The following CES5A variants were observed in gnomAD, a reference collection of about 807,000 sequenced individuals.
CES5A encodes the protein carboxylesterase 5A.
In CES5A, 67 loss-of-function variants were observed where a neutral mutation model predicts 62.9. The ratio of observed to expected loss-of-function variants is 1.07; its 90% CI spans 0.88 to 1.31. The LOEUF (loss-of-function observed/expected upper bound fraction) is 1.31, where lower values mean the gene tolerates loss of function less well. CES5A is among the 50% of genes most tolerant of loss of function. The pLI, the probability that CES5A is intolerant of heterozygous loss-of-function variation, is 0.00. For missense variants in CES5A, 748 were observed against 708.5 expected (o/e 1.06, Z -0.63); for synonymous variants, 296 against 280.8 (o/e 1.05, Z -0.54).
At chr16:55,949,637 A>G (rs908733490) in intron 2 of CES5A, 1 of 396,060 alleles carries the variant, frequency 2.5e-6, no homozygotes, top group Non-Finnish European at 4.5e-6. Context: ...GAGGTGAGGC[A>G]GGATAAGAAC....
Position 55,874,086 on chromosome 16 carries a change from G to T in CES5A, c.74-49C>A, listed in dbSNP as rs117873330. On this transcript the variant is annotated intron_variant, in intron 1 of 12. Transcript: ENST00000290567. ...CAGGAGCAGGCTGGGGACAGGCAGG[G>T]CAATGGCCCACCCAGTCTGGAGCTC... 6,342 of 1,512,822 alleles carry T rather than the reference G, an allele frequency of 4.2e-3. 174 individuals carry two copies. The Admixed American group carries it at 0.068, about 16-fold the overall frequency. The allele number at this position is 1,512,822 out of a possible 1,614,324, so 93.7% of individuals were successfully genotyped here.
intron 2 of CES5A, among the ~76,000 whole-genome samples, chr16:55,947,475 A>G (rs1254883127): frequency 6.6e-6 from 1 of 152,158 alleles, no homozygotes; most frequent in Non-Finnish European, 1.5e-5. Context: ...ACTGTTCTGG[A>G]TGTTAGGAAT....
Position 55,866,094 on chromosome 16 carries a change from C to G in CES5A, c.574G>C (p.Gly192Arg), listed in dbSNP as rs778201783. Residue 192 changes from glycine (G) to arginine (R), a missense_variant, in exon 5 of 13, where the codon GGG (glycine) becomes CGG (arginine). Coordinates refer to ENST00000290567, the MANE Select transcript of CES5A (RefSeq NM_001143685.2). ...FFTTWDQHAPGNWAFKDQVAA... is the reference protein window; with the variant it reads ...FFTTWDQHAPRNWAFKDQVAA... ...ACCTGGTCCTTGAAGGCCCAGTTCC[C>G]CGGAGCATGCTGATCCCATGTGCTG... The G allele has an allele frequency of 1.9e-6, 3 of 1,613,558 alleles. No homozygotes were observed. The highest frequency in any genetic ancestry group is 1.3e-5 in the African/African-American group (1 of 75,030).
At chr16:55,849,485 A>G in intron 11 of CES5A, 139 bp downstream of exon 11, 1 of 907,192 alleles carries the variant, frequency 1.1e-6, no homozygotes, top group Non-Finnish European at 1.7e-6. Context: ...AAGGGAGGGC[A>G]TTTTCCAGAG....
chr16:55,930,379 C>T (rs913264546), upstream of CES5A, among the ~76,000 whole-genome samples: 1 of 152,174 alleles, frequency 6.6e-6, no homozygotes, highest in Admixed American at 6.5e-5. Flanking sequence ...TTCCCTCTGC[C>T]TGGTACTTGA....
At chr16:55,912,545 G>T (rs768266137) in intron 1 of CES5A, among the ~76,000 whole-genome samples, 1 of 151,774 alleles carries the variant, frequency 6.6e-6, no homozygotes, top group Non-Finnish European at 1.5e-5. Context: ...AGAAAGAGGA[G>T]AAGGAGAATG....
intron 9 of CES5A, among the ~76,000 whole-genome samples, chr16:55,854,189 G>A (rs1233518932): frequency 1.3e-5 from 2 of 152,134 alleles, no homozygotes; most frequent in African/African-American, 2.4e-5. Flanking sequence ...GTAAGACTAT[G>A]ACTTCTGCAT....
intron 2 of CES5A, among the ~76,000 whole-genome samples, chr16:55,872,999 T>G (rs541913428): frequency 6.6e-6 from 1 of 152,312 alleles, no homozygotes; most frequent in East Asian, 1.9e-4. Context: ...CAAATGAGTT[T>G]CAGCTTGATG....
chr16:55,952,691 C>T (rs2034571080), intron 1 of CES5A, among the ~76,000 whole-genome samples: 1 of 151,886 alleles, frequency 6.6e-6, no homozygotes, highest in African/African-American at 2.4e-5. Flanking sequence ...TCACAATAAA[C>T]AATAAATAAT....
In CES5A at chr16:55,873,931, G is replaced by A. The variant is rs146515925; in HGVS notation, c.180C>T (p.Val60=). The A allele has an allele frequency of 6.2e-7, 1 of 1,613,856 alleles. No homozygotes were observed. The highest frequency in any genetic ancestry group is 1.7e-5 in the Admixed American group (1 of 59,996). Residue 60 remains valine, a synonymous_variant, in exon 2 of 13, where the codon GTC becomes GTT. Coordinates refer to ENST00000290567, the MANE Select transcript of CES5A (RefSeq NM_001143685.2). ...ATCCCAGCGGGGGAGCAGCAAAGGG[G>A]ACTCCGAGGAACACGTTCACAGGCA... The part of the protein sequence containing the change: ...SPVPVNVFLG[V]PFAAPPLGSL...
chr16:55,935,838 T>C (rs1272701952), intron 2 of CES5A, among the ~76,000 whole-genome samples: 1 of 152,184 alleles, frequency 6.6e-6, no homozygotes, highest in Non-Finnish European at 1.5e-5. Flanking sequence ...ACCTAGTCCT[T>C]CTGGCAATGT....
At chr16:55,884,509 G>A (rs141802629) in intron 1 of CES5A, among the ~76,000 whole-genome samples, 7 of 152,194 alleles carry the variant, frequency 4.6e-5, no homozygotes, top group Non-Finnish European at 8.8e-5. Flanking sequence ...CTTCATCAAT[G>A]TTAATGAACC....
intron 1 of CES5A, among the ~76,000 whole-genome samples, chr16:55,923,494 A>G (rs1377981015): frequency 2.6e-5 from 4 of 151,928 alleles, no homozygotes; most frequent in Non-Finnish European, 5.9e-5. Flanking sequence ...TCAATAAACC[A>G]ATAATAAATA....
At chr16:55,869,787 A>T in intron 3 of CES5A, 43 bp from the exon 4 acceptor site, 1 of 1,558,568 alleles carries the variant, frequency 6.4e-7, no homozygotes, top group Non-Finnish European at 8.7e-7. Flanking sequence ...ACCAGGCACC[A>T]CCTCCCCTCC....
chr16:55,884,312 C>T (rs1023319247), intron 1 of CES5A, among the ~76,000 whole-genome samples: 1 of 152,248 alleles, frequency 6.6e-6, no homozygotes, highest in Non-Finnish European at 1.5e-5. Context: ...CCTCTGTCGA[C>T]AGTCTGTCTG....
chr16:55,944,865 A>G (rs576374357), intron 2 of CES5A, among the ~76,000 whole-genome samples: 1 of 152,230 alleles, frequency 6.6e-6, no homozygotes, highest in South Asian at 2.1e-4. Flanking sequence ...AATGATATCT[A>G]CTTGTGTGCA....
At position 55,869,706 on chromosome 16, in the gene CES5A, G is replaced by C; in HGVS notation, c.456C>G (p.Gly152=). ...CGGACCCATCAAAGATGGAGGCTGA[G>C]CCAGTCTTGAAGGCACCTCCTGGGA... The part of the protein sequence containing the change: ...VWFPGGAFKT[G]SASIFDGSAL... The change falls in exon 4 of 13, where the codon GGC becomes GGG. Residue 152 remains glycine (G), a synonymous_variant. Transcript: ENST00000290567. 3 of 1,609,632 alleles carry C rather than the reference G, an allele frequency of 1.9e-6. No individual in the cohort carries two copies. Among genetic ancestry groups the C allele is most frequent in the Non-Finnish European group, 2.5e-6 (3 of 1,177,452 alleles).
At chr16:55,948,975 G>A (rs1170702590) in intron 2 of CES5A, among the ~76,000 whole-genome samples, 1 of 152,172 alleles carries the variant, frequency 6.6e-6, no homozygotes, top group African/African-American at 2.4e-5. Flanking sequence ...AAATACATGT[G>A]TAAGGGGCCG....
chr16:55,933,482 A>G (rs1344841960), intron 2 of CES5A, among the ~76,000 whole-genome samples: 1 of 151,802 alleles, frequency 6.6e-6, no homozygotes, highest in Non-Finnish European at 1.5e-5. Flanking sequence ...CATATCCCAA[A>G]CTAAACTATT....
Sources: gnomAD v4.1 joint callset for allele counts (sites outside exome capture counted in the v4.1 genomes callset) on GRCh38, gnomAD v4.1.1 for gene constraint, MANE v1.5 for transcripts, NCBI Gene and HGNC (gene_info 2026-07-23, HGNC 2026-07-21) for gene names.